The following RPS6KC1 variants were observed in gnomAD, a reference collection of about 807,000 sequenced individuals.
RPS6KC1 encodes ribosomal protein S6 kinase C1, also known as inactive ribosomal protein S6 kinase delta-1.
Under a neutral mutation model 103.8 loss-of-function variants are expected in RPS6KC1, and 54 were observed. The ratio of observed to expected loss-of-function variants is 0.52; its 90% CI spans 0.42 to 0.65. The LOEUF is 0.65. RPS6KC1 is among the 30% of genes least tolerant of loss of function. The pLI is 0.00. For synonymous variants in RPS6KC1, 439 were observed against 438.7 expected, an observed-to-expected ratio of 1.00 and a Z score of -0.01; for missense variants, 1,151 against 1,253.8, an observed-to-expected ratio of 0.92 and a Z score of 1.24.
chr1:213,275,561 A>G (rs2095110909), downstream of RPS6KC1, among the ~76,000 whole-genome samples: 1 of 152,156 alleles, frequency 6.6e-6, no homozygotes, highest in South Asian at 2.1e-4. Flanking sequence ...GACCTTTTCA[A>G]CTTGTTATAA....
At chr1:213,671,293 A>T in the RPS6KC1 span, among the ~76,000 whole-genome samples, 1 of 152,268 alleles carries the variant, frequency 6.6e-6, no homozygotes, top group East Asian at 1.9e-4. Flanking sequence ...ATACCACATG[A>T]TCTCACATAT....
At chr1:213,480,421 A>G in the RPS6KC1 span, among the ~76,000 whole-genome samples, 17 of 152,046 alleles carry the variant, frequency 1.1e-4, no homozygotes, top group African/African-American at 2.7e-4. Flanking sequence ...ACATTTTCCA[A>G]TTGGTTATCA....
At chr1:213,244,705 T>A (rs1422985677) in intron 12 of RPS6KC1, among the ~76,000 whole-genome samples, 4 of 152,164 alleles carry the variant, frequency 2.6e-5, no homozygotes, top group African/African-American at 9.7e-5. Flanking sequence ...CCGAATTTAA[T>A]ACAGATCGGT....
At chr1:213,100,720 A>G (rs2081944635) in intron 3 of RPS6KC1, among the ~76,000 whole-genome samples, 1 of 152,164 alleles carries the variant, frequency 6.6e-6, no homozygotes, top group African/African-American at 2.4e-5. Flanking sequence ...TTCACTTAGG[A>G]TAATGGCCTC....
At chr1:213,845,571 C>A in the RPS6KC1 span, among the ~76,000 whole-genome samples, 1 of 152,098 alleles carries the variant, frequency 6.6e-6, no homozygotes, top group Non-Finnish European at 1.5e-5. Flanking sequence ...CTATGAAATC[C>A]AAATAAGTTA....
intron 6 of RPS6KC1, among the ~76,000 whole-genome samples, chr1:213,147,291 TC>T (rs2087990176): frequency 1.3e-5 from 2 of 152,208 alleles, no homozygotes; most frequent in African/African-American, 2.4e-5. Flanking sequence ...CTGGAGATTT[TC>T]CCCAATGTTT....
intron 12 of RPS6KC1, among the ~76,000 whole-genome samples, chr1:213,248,739 A>G (rs1344944812): frequency 1.3e-5 from 2 of 152,182 alleles, no homozygotes; most frequent in African/African-American, 2.4e-5. Context: ...CCATATTGAA[A>G]CAGACTATTC....
the RPS6KC1 span, among the ~76,000 whole-genome samples, chr1:213,579,420 C>T: frequency 6.6e-6 from 1 of 152,036 alleles, no homozygotes; most frequent in Non-Finnish European, 1.5e-5. Context: ...AGGAAAGAAG[C>T]CACCTCTATA....
the RPS6KC1 span, among the ~76,000 whole-genome samples, chr1:213,671,792 C>CAA: frequency 6.6e-6 from 1 of 151,956 alleles, no homozygotes; most frequent in Admixed American, 6.6e-5. Flanking sequence ...TTAACAACAA[C>CAA]AACAACAACA....
the RPS6KC1 span, among the ~76,000 whole-genome samples, chr1:213,486,955 T>C: frequency 4.0e-3 from 606 of 152,352 alleles, 8 homozygotes; most frequent in African/African-American, 0.013. Context: ...ATAGAACATC[T>C]AGCTGAGTGG....
the RPS6KC1 span, among the ~76,000 whole-genome samples, chr1:213,858,988 A>G: frequency 2.0e-5 from 3 of 152,212 alleles, no homozygotes; most frequent in Non-Finnish European, 4.4e-5. Context: ...GGTGATGCCA[A>G]ATATGCCATC....
At chr1:213,721,821 T>C in the RPS6KC1 span, among the ~76,000 whole-genome samples, 41,152 of 152,058 alleles carry the variant, frequency 0.27, 6,333 homozygotes, top group African/African-American at 0.4. Flanking sequence ...GAATTCTCAA[T>C]CTCTCTCTTT....
chr1:213,538,881 A>G, the RPS6KC1 span, among the ~76,000 whole-genome samples: 1 of 152,198 alleles, frequency 6.6e-6, no homozygotes, highest in Admixed American at 6.5e-5. Context: ...AGAGAATGCT[A>G]GGATTGTAGT....
the RPS6KC1 span, among the ~76,000 whole-genome samples, chr1:213,325,208 C>T: frequency 6.6e-6 from 1 of 152,130 alleles, no homozygotes; most frequent in African/African-American, 2.4e-5. Context: ...GGTTGGGCCC[C>T]GCTTTCTTTC....
chr1:213,738,208 G>A, the RPS6KC1 span, among the ~76,000 whole-genome samples: 1 of 152,196 alleles, frequency 6.6e-6, no homozygotes, highest in Non-Finnish European at 1.5e-5. Flanking sequence ...TAGTCAGGGT[G>A]CGTTGCTGGG....
intron 3 of RPS6KC1, among the ~76,000 whole-genome samples, chr1:213,089,485 G>A (rs1258228360): frequency 2.0e-5 from 3 of 150,588 alleles, no homozygotes; most frequent in Non-Finnish European, 4.4e-5. Flanking sequence ...TTTTAAGATG[G>A]AGTTTTGCCC....
At chr1:213,255,752 G>T (rs1170768504) in intron 12 of RPS6KC1, among the ~76,000 whole-genome samples, 1 of 151,952 alleles carries the variant, frequency 6.6e-6, no homozygotes, top group Non-Finnish European at 1.5e-5. Context: ...TTTTTTTTCT[G>T]TTTTAACACC....
intron 8 of RPS6KC1, among the ~76,000 whole-genome samples, chr1:213,202,578 A>G (rs1464652240): frequency 6.6e-6 from 1 of 152,294 alleles, no homozygotes; most frequent in East Asian, 1.9e-4. Context: ...GCCCCACTGC[A>G]CTCAAACCTG....
the RPS6KC1 span, among the ~76,000 whole-genome samples, chr1:213,635,645 A>G: frequency 6.6e-6 from 1 of 152,218 alleles, no homozygotes; most frequent in Non-Finnish European, 1.5e-5. Context: ...CTTTATGGCA[A>G]ACCCACAGCA....
Sources: gnomAD v4.1 joint callset for allele counts (sites outside exome capture counted in the v4.1 genomes callset) on GRCh38, gnomAD v4.1.1 for gene constraint, MANE v1.5 for transcripts, NCBI Gene and HGNC (gene_info 2026-07-23, HGNC 2026-07-21) for gene names.